Variants in COL14A1 observed in about 807,000 individuals in gnomAD.
The protein encoded by COL14A1 is collagen type XIV alpha 1 chain.
A neutral mutation model predicts 230.3 loss-of-function variants in COL14A1; 136 were observed. That is an observed-to-expected ratio of 0.59 (90% CI 0.51 to 0.68). COL14A1 has a LOEUF of 0.68. COL14A1 is among the 30% of genes least tolerant of loss of function. The pLI, the probability that COL14A1 is intolerant of heterozygous loss-of-function variation, is 0.00. For missense variants in COL14A1, 1,976 were observed against 2,215.8 expected, an observed-to-expected ratio of 0.89 and a Z score of 2.17; for synonymous variants, 792 against 784.1, an observed-to-expected ratio of 1.01 and a Z score of -0.17.
intron 34 of COL14A1, among the ~76,000 whole-genome samples, chr8:120,292,424 C>T (rs1165025132): frequency 2.6e-5 from 4 of 152,034 alleles, no homozygotes; most frequent in African/African-American, 9.7e-5. Flanking sequence ...ATCTAGAAGT[C>T]TACAAAGGAT....
chr8:120,340,800 T>A (rs1822267907), intron 42 of COL14A1, among the ~76,000 whole-genome samples: 1 of 152,248 alleles, frequency 6.6e-6, no homozygotes, highest in Admixed American at 6.5e-5. Flanking sequence ...GAGAATTGTG[T>A]GGCATCGTGC....
At chr8:120,208,776 A>G (rs753129191) in intron 11 of COL14A1, among the ~76,000 whole-genome samples, 20 of 152,282 alleles carry the variant, frequency 1.3e-4, no homozygotes, top group South Asian at 2.1e-4. Context: ...TGTTCATATC[A>G]TTGTAGGTAA....
chr8:120,330,337 C>T (rs916138118), intron 40 of COL14A1, among the ~76,000 whole-genome samples: 3 of 152,160 alleles, frequency 2.0e-5, no homozygotes, highest in Non-Finnish European at 4.4e-5. Context: ...TTATTATTCT[C>T]ACGCTGCTAA....
At chr8:120,181,088 A>G (rs1028500251) in intron 5 of COL14A1, among the ~76,000 whole-genome samples, 5 of 152,166 alleles carry the variant, frequency 3.3e-5, no homozygotes, top group Non-Finnish European at 7.4e-5. Flanking sequence ...CCCATCTCTG[A>G]TCCAATTGCG....
At chr8:120,234,391 G>A (rs1310517343) in intron 19 of COL14A1, among the ~76,000 whole-genome samples, 1 of 152,228 alleles carries the variant, frequency 6.6e-6, no homozygotes, top group South Asian at 2.1e-4. Flanking sequence ...GTCTTGTGCC[G>A]ATTTTCAAAG....
chr8:120,259,609 TATA>T lies in COL14A1; in HGVS notation c.2870-3258_2870-3256del, dbSNP rs200984137. 9.2e-3 allele frequency among the ~76,000 whole-genome samples: 1,394 copies of T among 152,292 alleles called. 15 individuals are homozygous for T. The highest frequency in any genetic ancestry group is 0.014 in the Non-Finnish European group (960 of 68,014). On this transcript the variant is annotated intron_variant, in intron 23 of 47. Transcript: ENST00000297848. ...AATTGATACTGTTTGCCATTAATCTTATAGTGCTTGTTCCAGTTTTCCAATGTT... is the reference window on the plus strand; with the variant it reads ...AATTGATACTGTTTGCCATTAATCTTGTGCTTGTTCCAGTTTTCCAATGTT...
At chr8:120,228,625 T>C (rs1255482814) in intron 17 of COL14A1, 85 bp from the exon 18 acceptor site, 2 of 1,011,476 alleles carry the variant, frequency 2.0e-6, no homozygotes, top group Non-Finnish European at 3.1e-6. Flanking sequence ...ATAATATAGG[T>C]GAAATGTTCT....
chr8:120,303,000 A>T (rs1213928106), intron 36 of COL14A1, among the ~76,000 whole-genome samples: 1 of 152,038 alleles, frequency 6.6e-6, no homozygotes, highest in East Asian at 1.9e-4. Flanking sequence ...TTTTGTGGCA[A>T]TTGTGGATGG....
intron 45 of COL14A1, among the ~76,000 whole-genome samples, chr8:120,354,762 A>G (rs1471758355): frequency 6.6e-6 from 1 of 152,196 alleles, no homozygotes; most frequent in African/African-American, 2.4e-5. Context: ...CAAGTTTTCT[A>G]TCTGAAGCTT....
intron 19 of COL14A1, among the ~76,000 whole-genome samples, chr8:120,236,004 T>C (rs189105372): frequency 6.6e-6 from 1 of 152,326 alleles, no homozygotes; most frequent in Admixed American, 6.5e-5. Context: ...TTGCATTCTT[T>C]TACATTTGCT....
chr8:120,128,979 G>A (rs989872671), intron 1 of COL14A1, among the ~76,000 whole-genome samples: 1 of 152,082 alleles, frequency 6.6e-6, no homozygotes, highest in Non-Finnish European at 1.5e-5. Context: ...ATCTATTTCT[G>A]GGTGGCCTTT....
intron 1 of COL14A1, among the ~76,000 whole-genome samples, chr8:120,139,368 T>A (rs892281284): frequency 6.6e-6 from 1 of 152,200 alleles, no homozygotes; most frequent in African/African-American, 2.4e-5. Flanking sequence ...TGTCTTCATA[T>A]GGTTGATCAT....
intron 19 of COL14A1, among the ~76,000 whole-genome samples, chr8:120,235,331 G>A (rs559353894): frequency 1.3e-5 from 2 of 151,920 alleles, no homozygotes; most frequent in East Asian, 1.9e-4. Context: ...CACCATGCCC[G>A]GCTAATTTTT....
intron 22 of COL14A1, among the ~76,000 whole-genome samples, chr8:120,251,877 C>T (rs955222597): frequency 6.6e-6 from 1 of 152,060 alleles, no homozygotes; most frequent in Admixed American, 6.6e-5. Flanking sequence ...AATTTTATAA[C>T]AATGTATAAT....
chr8:120,332,275 C>A, intron 41 of COL14A1, 81 bp downstream of exon 41: 1 of 1,325,070 alleles, frequency 7.5e-7, no homozygotes, highest in Non-Finnish European at 1.1e-6. Context: ...TTTGCCAGAT[C>A]TTTTACCAGC....
At chr8:120,136,614 C>T (rs1814715796) in intron 1 of COL14A1, among the ~76,000 whole-genome samples, 1 of 151,810 alleles carries the variant, frequency 6.6e-6, no homozygotes, top group Non-Finnish European at 1.5e-5. Context: ...TATCTATGTT[C>T]ATAAGGGTTA....
chr8:120,208,316 T>C lies in COL14A1; in HGVS notation c.1276T>C (p.Tyr426His). The C allele has an allele frequency of 6.2e-7, 1 of 1,613,816 alleles. No individual in the cohort carries two copies. The highest frequency in any genetic ancestry group is 8.5e-7 in the Non-Finnish European group (1 of 1,179,842). Residue 426 changes from tyrosine (Y) to histidine (H), a missense_variant, in exon 11 of 48, where the codon TAT (tyrosine) becomes CAT (histidine). Tyr to His is a moderately conservative substitution (Grantham distance 83). This residue lies in a region of COL14A1 where 1,791 missense variants were observed against 2,019.5 expected (regional missense o/e 0.89). Transcript: ENST00000297848. ...TEYQIAVFAI[Y>H]AHTASEGLRG... The stretch of plus-strand genomic sequence containing the variant: ...ATATCAGATAGCAGTCTTTGCAATC[T>C]ATGCCCACACTGCTAGTGAAGGCCT...
chr8:120,342,458 A>G lies in COL14A1; in HGVS notation c.4888+12A>G, dbSNP rs369089314. The G allele has an allele frequency of 6.2e-7, 1 of 1,612,628 alleles. No individual in the cohort carries two copies. Among genetic ancestry groups the G allele is most frequent in the Non-Finnish European group, 8.5e-7 (1 of 1,178,698 alleles). On this transcript the variant is annotated intron_variant, in intron 44 of 47. Transcript: ENST00000297848. ...ACAGCTCATCCAGAGTAAGTATGTA[A>G]TGGTTACGGAGGATGTTCCCCATAA...
chr8:120,370,063 A>G (rs1230330361), intron 47 of COL14A1, among the ~76,000 whole-genome samples: 1 of 152,206 alleles, frequency 6.6e-6, no homozygotes, highest in Non-Finnish European at 1.5e-5. Flanking sequence ...CTGGACTAAA[A>G]GAATATGCTT....
Sources: allele counts gnomAD v4.1 joint callset (sites outside exome capture counted in the v4.1 genomes callset), GRCh38; gene constraint gnomAD v4.1.1; regional missense constraint gnomAD v4.1.1; transcripts MANE v1.5; gene names NCBI Gene and HGNC (gene_info 2026-07-23, HGNC 2026-07-21).